SLC5A4: variants seen among roughly 807,000 people sequenced by gnomAD.
SLC5A4 encodes probable glucose sensor protein SLC5A4.
SLC5A4 carries 55 observed loss-of-function variants against 70.3 expected under a neutral mutation model. The ratio of observed to expected loss-of-function variants is 0.78; its 90% CI spans 0.63 to 0.98. The LOEUF is 0.98. Ranked by LOEUF, SLC5A4 falls within the 50% of genes least tolerant of loss-of-function variation. The pLI is 0.00. For synonymous variants in SLC5A4, 268 were observed against 305.7 expected, an observed-to-expected ratio of 0.88 and a Z score of 1.29; for missense variants, 735 against 839.2, an observed-to-expected ratio of 0.88 and a Z score of 1.53.
intron 11 of SLC5A4, 71 bp downstream of exon 11, chr22:32,229,123 A>G (rs1925578864): frequency 1.4e-6 from 2 of 1,421,924 alleles, no homozygotes; most frequent in Non-Finnish European, 1.9e-6. Flanking sequence ...GCCAAAGACA[A>G]GGGAACTCTA....
At chr22:32,352,200 T>G in the SLC5A4 span, among the ~76,000 whole-genome samples, 46 of 141,616 alleles carry the variant, frequency 3.2e-4, no homozygotes, top group South Asian at 6.5e-4. Flanking sequence ...TTCTCACTCA[T>G]AGGTGGGAAT....
the SLC5A4 span, among the ~76,000 whole-genome samples, chr22:32,326,619 A>G: frequency 3.9e-5 from 6 of 152,112 alleles, no homozygotes; most frequent in Non-Finnish European, 2.9e-5. Context: ...TATTAATCCT[A>G]CTTGTAAATG....
chr22:32,250,629 C>G (rs138578820), intron 3 of SLC5A4, among the ~76,000 whole-genome samples: 216 of 152,328 alleles, frequency 1.4e-3, no homozygotes, highest in Admixed American at 3.4e-3. Flanking sequence ...GATTATAAAT[C>G]ATTCTACTAT....
the SLC5A4 span, among the ~76,000 whole-genome samples, chr22:32,326,058 C>T: frequency 6.6e-6 from 1 of 152,244 alleles, no homozygotes; most frequent in Non-Finnish European, 1.5e-5. Context: ...GGTAACAGAG[C>T]ACCTGGCAAT....
the SLC5A4 span, among the ~76,000 whole-genome samples, chr22:32,306,341 T>C: frequency 7.0e-5 from 6 of 86,096 alleles, no homozygotes; most frequent in African/African-American, 2.6e-4. Flanking sequence ...GGCAGGTGCC[T>C]GCTAGTCCCA....
Position 32,241,875 on chromosome 22 carries a change from G to GTA in SLC5A4, c.478-2787_478-2786dup, listed in dbSNP as rs1278539568. Among the ~76,000 whole-genome samples the GTA allele has an allele frequency of 7.9e-5, 12 of 150,970 alleles. No individual in the cohort carries two copies. The East Asian group carries it at 9.7e-4, about 12-fold the overall frequency. ...TGTGTGTGTGTGTATATATATGTGTGTATATATATATGTATGTATGTTGAT... is the reference window on the plus strand; with the variant it reads ...TGTGTGTGTGTGTATATATATGTGTGTATATATATATATGTATGTATGTTGAT... On this transcript the variant is annotated intron_variant, in intron 5 of 14. Coordinates refer to ENST00000266086, the MANE Select transcript of SLC5A4 (RefSeq NM_014227.3).
At chr22:32,354,990 G>A in the SLC5A4 span, 15 of 152,310 alleles carry the variant, frequency 9.8e-5, no homozygotes, top group African/African-American at 3.6e-4. Context: ...TGCTCAGGAA[G>A]TGACTCGTTT....
intron 6 of SLC5A4, among the ~76,000 whole-genome samples, chr22:32,238,250 A>G (rs1926179414): frequency 1.3e-5 from 2 of 152,010 alleles, no homozygotes; most frequent in Admixed American, 1.3e-4. Flanking sequence ...ACCCCCTTGG[A>G]AGTCCTGTGG....
chr22:32,329,816 G>A, the SLC5A4 span, among the ~76,000 whole-genome samples: 1 of 55,632 alleles, frequency 1.8e-5, no homozygotes, highest in Non-Finnish European at 3.1e-5. Flanking sequence ...TGGAGGCTCT[G>A]GTGTGTGTGT....
intron 14 of SLC5A4, 48 bp from the exon 15 acceptor site, chr22:32,218,773 G>T (rs1414066245): frequency 1.4e-6 from 2 of 1,441,066 alleles, no homozygotes. Flanking sequence ...GATCACAAAG[G>T]AACTAGAAAT....
chr22:32,271,619 T>A, the SLC5A4 span: 1 of 653,272 alleles, frequency 1.5e-6, no homozygotes. Flanking sequence ...TTATGGCTAC[T>A]CAGGAGTGTT....
chr22:32,249,909 AT>A (rs202014333), intron 3 of SLC5A4, among the ~76,000 whole-genome samples: 10,154 of 149,824 alleles, frequency 0.068, 392 homozygotes, highest in African/African-American at 0.1. Flanking sequence ...TTTTTTGGTG[AT>A]TTTTTTTTTA....
chr22:32,248,934 T>C (rs1603235299), intron 3 of SLC5A4, 132 bp from the exon 4 acceptor site: 1 of 641,868 alleles, frequency 1.6e-6, no homozygotes, highest in East Asian at 2.5e-5. Context: ...CAAACAACTA[T>C]AATCCCAAGA....
the SLC5A4 span, among the ~76,000 whole-genome samples, chr22:32,326,670 G>A: frequency 3.9e-5 from 6 of 152,118 alleles, no homozygotes; most frequent in Non-Finnish European, 7.4e-5. Context: ...GAACCTATTC[G>A]GGGCAAGATG....
At chr22:32,325,024 C>T in the SLC5A4 span, among the ~76,000 whole-genome samples, 2 of 152,340 alleles carry the variant, frequency 1.3e-5, no homozygotes, top group South Asian at 2.1e-4. Flanking sequence ...GGAGAGCACT[C>T]GCCTGCCCTG....
intron 10 of SLC5A4, among the ~76,000 whole-genome samples, chr22:32,229,777 T>C (rs1569368873): frequency 1.3e-5 from 2 of 152,308 alleles, no homozygotes; most frequent in East Asian, 3.9e-4. Flanking sequence ...TTGTACATTT[T>C]AAAATGACTT....
the SLC5A4 span, among the ~76,000 whole-genome samples, chr22:32,314,100 C>T: frequency 6.6e-6 from 1 of 152,162 alleles, no homozygotes. Flanking sequence ...GTGAGAGATA[C>T]GCCAAGAAGG....
At chr22:32,335,777 G>A in the SLC5A4 span, among the ~76,000 whole-genome samples, 2 of 149,200 alleles carry the variant, frequency 1.3e-5, no homozygotes, top group African/African-American at 5.0e-5. Flanking sequence ...CAGAGCTCAC[G>A]GCTGAAGGGG....
At chr22:32,274,039 C>T in the SLC5A4 span, among the ~76,000 whole-genome samples, 2 of 142,586 alleles carry the variant, frequency 1.4e-5, 1 homozygote, top group South Asian at 4.6e-4. Context: ...ATTTGATATT[C>T]TATTTTTTTT....
Sources: allele counts gnomAD v4.1 joint callset (sites outside exome capture counted in the v4.1 genomes callset), GRCh38; gene constraint gnomAD v4.1.1; transcripts MANE v1.5; gene names NCBI Gene and HGNC (gene_info 2026-07-23, HGNC 2026-07-21).